COL4A4: variants seen among roughly 807,000 people sequenced by gnomAD.
COL4A4 encodes the protein collagen type IV alpha 4 chain.
A neutral mutation model predicts 192.9 loss-of-function variants in COL4A4; 105 were observed. The ratio of observed to expected loss-of-function variants is 0.54; its 90% confidence interval spans 0.46 to 0.64. The LOEUF (loss-of-function observed/expected upper bound fraction) is 0.64, where lower values mean the gene tolerates loss of function less well. COL4A4 is among the 30% of genes least tolerant of loss of function. The pLI is 0.00. For synonymous variants in COL4A4, 762 were observed against 769.9 expected (o/e 0.99, Z 0.17); for missense variants, 1,967 against 2,169.3 (o/e 0.91, Z 1.85).
intron 24 of COL4A4, among the ~76,000 whole-genome samples, chr2:227,079,964 A>T (rs1394947610): frequency 6.6e-6 from 1 of 152,176 alleles, no homozygotes; most frequent in Admixed American, 6.5e-5. Flanking sequence ...AACATCCTTT[A>T]TCAGTGAGAT....
At chr2:227,017,731 G>A (rs760935037) in intron 44 of COL4A4, among the ~76,000 whole-genome samples, 1 of 152,156 alleles carries the variant, frequency 6.6e-6, no homozygotes, top group South Asian at 2.1e-4. Context: ...TTCATTTTTA[G>A]GTAAGTCTCA....
chr2:227,130,861 C>T (rs1187317741), intron 4 of COL4A4, among the ~76,000 whole-genome samples: 1 of 152,168 alleles, frequency 6.6e-6, no homozygotes, highest in South Asian at 2.1e-4. Flanking sequence ...GCCCCAACTG[C>T]GCCAGGTGAG....
chr2:227,057,547 C>A lies in COL4A4; in HGVS notation c.2437G>T (p.Gly813Ter). 6.2e-7 allele frequency: 1 copy of A among 1,614,072 alleles called. No homozygotes were observed. Among genetic ancestry groups the A allele is most frequent in the African/African-American group, 1.3e-5 (1 of 75,050 alleles). The change falls in exon 29 of 48, where the codon GGA becomes TGA. Residue 813 changes from glycine to a stop codon, truncating the protein, a stop_gained. Transcript: ENST00000396625. LOFTEE classifies it high-confidence loss of function. Reference sequence around the variant, plus strand: ...GGGACACCTGGAAACCCAGCATGTCCCTCTCTGCCTTTGGGACCTTTGAGA... The same window carrying A: ...GGGACACCTGGAAACCCAGCATGTCACTCTCTGCCTTTGGGACCTTTGAGA... ...LGLKGPKGREGHAGFPGVPGP... is the reference protein window; with the variant it reads ...LGLKGPKGRE
downstream of COL4A4, among the ~76,000 whole-genome samples, chr2:227,000,487 G>A (rs1960652839): frequency 6.6e-6 from 1 of 152,200 alleles, no homozygotes; most frequent in Non-Finnish European, 1.5e-5. Context: ...AATTTCATCT[G>A]TGGCTGATAA....
At chr2:226,983,505 T>G in the COL4A4 span, among the ~76,000 whole-genome samples, 1 of 152,194 alleles carries the variant, frequency 6.6e-6, no homozygotes, top group Non-Finnish European at 1.5e-5. Context: ...AGACACATGG[T>G]TATCTGCAGT....
At chr2:227,148,179 A>G (rs1049024940) in intron 1 of COL4A4, among the ~76,000 whole-genome samples, 37 of 152,352 alleles carry the variant, frequency 2.4e-4, no homozygotes, top group African/African-American at 8.7e-4. Flanking sequence ...TTGAAAACAC[A>G]TGTTCACACA....
chr2:226,988,619 C>T, the COL4A4 span: 1 of 1,351,002 alleles, frequency 7.4e-7, no homozygotes, highest in Non-Finnish European at 9.5e-7. Context: ...CCCCTCCGAG[C>T]AGACACATTG....
Position 227,076,559 on chromosome 2 carries a change from T to C in COL4A4, c.1987+1335A>G, listed in dbSNP as rs539785850. Among the ~76,000 whole-genome samples the C allele has an allele frequency of 3.3e-5, 5 of 152,058 alleles. No homozygotes were observed. In the East Asian group the frequency reaches 9.7e-4, roughly 29 times the overall value. On this transcript the variant is annotated intron_variant, in intron 25 of 47. Transcript: ENST00000396625. ...ACCCTAGAAGAAAACCTAGGCAATATCATTCAGGACATAGGCATGGGCAAA... is the reference window on the plus strand; with the variant it reads ...ACCCTAGAAGAAAACCTAGGCAATACCATTCAGGACATAGGCATGGGCAAA...
In COL4A4 at chr2:227,103,147, G is replaced by A; in HGVS notation, c.867C>T (p.Arg289=). The A allele has an allele frequency of 6.2e-7, 1 of 1,607,444 alleles. No individual in the cohort carries two copies. The highest frequency in any genetic ancestry group is 2.2e-5 in the East Asian group (1 of 44,824). Reference sequence around the variant, plus strand: ...AAAAGGTACTTAAATAAACTACCTTGCGTCCTGGTGGTCCTGGCAGTCCAA... The same window carrying A: ...AAAAGGTACTTAAATAAACTACCTTACGTCCTGGTGGTCCTGGCAGTCCAA... The part of the protein sequence containing the change: ...GMVGLPGPPG[R]KGESGIGAKG... The change falls in exon 14 of 48, where the codon CGC becomes CGT. Residue 289 remains arginine, a synonymous_variant. Transcript: ENST00000396625.
At chr2:226,973,947 A>G in the COL4A4 span, among the ~76,000 whole-genome samples, 2 of 152,200 alleles carry the variant, frequency 1.3e-5, no homozygotes, top group African/African-American at 4.8e-5. Flanking sequence ...CTTTGATAGC[A>G]GAGTGGCTGC....
chr2:227,003,202 G>A lies in COL4A4; in HGVS notation c.*4123C>T, dbSNP rs1030119139. 6.6e-6 allele frequency: 1 copy of A among 152,098 alleles called. No individual in the cohort carries two copies. Among genetic ancestry groups the A allele is most frequent in the African/African-American group, 2.4e-5 (1 of 41,410 alleles). The allele number at this position is 152,098 out of a possible 1,614,324, so 9.4% of individuals were successfully genotyped here. On this transcript the variant is annotated 3_prime_UTR_variant, in exon 48 of 48. Transcript: ENST00000396625. Reference sequence around the variant, plus strand: ...TTCTAATCAGTAATTTATATACCCTGTGAGAATCATAATTCTGTGTAAAAA... The same window carrying A: ...TTCTAATCAGTAATTTATATACCCTATGAGAATCATAATTCTGTGTAAAAA...
intron 25 of COL4A4, 146 bp downstream of exon 25, chr2:227,077,748 A>G (rs1281465044): frequency 1.4e-6 from 1 of 710,732 alleles, no homozygotes; most frequent in Non-Finnish European, 2.3e-6. Context: ...GGATACAAAA[A>G]TCTACACGTT....
chr2:227,159,782 C>A (rs2064671199), intron 1 of COL4A4, among the ~76,000 whole-genome samples: 1 of 152,186 alleles, frequency 6.6e-6, no homozygotes, highest in South Asian at 2.1e-4. Context: ...GCCTCCCCAG[C>A]CATGCAGAAT....
At chr2:227,035,070 C>T (rs954713679) in intron 37 of COL4A4, among the ~76,000 whole-genome samples, 10 of 152,098 alleles carry the variant, frequency 6.6e-5, no homozygotes, top group African/African-American at 2.4e-4. Context: ...ATAGGACCCC[C>T]TTGATTGTTG....
chr2:227,017,363 C>T (rs1471525859), intron 44 of COL4A4, among the ~76,000 whole-genome samples: 1 of 152,154 alleles, frequency 6.6e-6, no homozygotes, highest in African/African-American at 2.4e-5. Flanking sequence ...GAGCTTTCCA[C>T]CTTACGGACT....
chr2:227,101,770 A>G, intron 16 of COL4A4, 95 bp downstream of exon 16: 1 of 1,135,362 alleles, frequency 8.8e-7, no homozygotes, highest in South Asian at 1.4e-5. Context: ...CTTCCTAATT[A>G]CTGTGTTTGC....
At chr2:227,137,432 C>T (rs1329131360) in intron 4 of COL4A4, among the ~76,000 whole-genome samples, 1 of 152,110 alleles carries the variant, frequency 6.6e-6, no homozygotes, top group Non-Finnish European at 1.5e-5. Flanking sequence ...TCCTGGTTCT[C>T]CTGCATCCTA....
At chr2:226,980,407 T>A in the COL4A4 span, among the ~76,000 whole-genome samples, 1 of 152,312 alleles carries the variant, frequency 6.6e-6, no homozygotes, top group East Asian at 1.9e-4. Flanking sequence ...ATGAAATGCC[T>A]GGAAGAGAAA....
At chr2:227,047,366 CA>C in intron 35 of COL4A4, 108 bp downstream of exon 35, 1 of 807,994 alleles carries the variant, frequency 1.2e-6, no homozygotes, top group Non-Finnish European at 2.1e-6. Flanking sequence ...CCTTAATGCA[CA>C]AAGGGGTAAG....
Sources: allele counts gnomAD v4.1 joint callset (sites outside exome capture counted in the v4.1 genomes callset), GRCh38; gene constraint gnomAD v4.1.1; transcripts MANE v1.5; gene names NCBI Gene and HGNC (gene_info 2026-07-23, HGNC 2026-07-21).